SLC22A23: variants seen among roughly 807,000 people sequenced by gnomAD.
The protein encoded by SLC22A23 is solute carrier family 22 member 23, also known as ion transporter protein.
A neutral mutation model predicts 61.0 loss-of-function variants in SLC22A23; 26 were observed. The observed-to-expected ratio is 0.43, with a 90% CI of 0.31 to 0.59. The LOEUF is 0.59. SLC22A23 is among the 20% of genes least tolerant of loss of function. The pLI, the probability that SLC22A23 is intolerant of heterozygous loss-of-function variation, is 0.11. For missense variants in SLC22A23, 796 were observed against 934.7 expected, an observed-to-expected ratio of 0.85 and a Z score of 1.94; for synonymous variants, 430 against 413.9, an observed-to-expected ratio of 1.04 and a Z score of -0.47.
chr6:3,441,751 C>T (rs1254390215), intron 1 of SLC22A23, among the ~76,000 whole-genome samples: 1 of 152,206 alleles, frequency 6.6e-6, no homozygotes, highest in Non-Finnish European at 1.5e-5. Flanking sequence ...TCATCCTGTG[C>T]CGCATGCCAG....
intron 5 of SLC22A23, 114 bp from the exon 6 acceptor site, chr6:3,289,980 G>A (rs562612017): frequency 1.9e-6 from 1 of 537,202 alleles, no homozygotes; most frequent in Non-Finnish European, 3.3e-6. Flanking sequence ...GGAGAGAGAA[G>A]CTTTTTTTTT....
intron 3 of SLC22A23, among the ~76,000 whole-genome samples, chr6:3,385,241 G>A (rs1055334888): frequency 2.6e-5 from 4 of 152,132 alleles, no homozygotes; most frequent in Non-Finnish European, 4.4e-5. Context: ...GGCTGGGCAC[G>A]GTGGCTCATG....
intron 4 of SLC22A23, among the ~76,000 whole-genome samples, chr6:3,301,982 C>T (rs1581651755): frequency 6.6e-6 from 1 of 152,130 alleles, no homozygotes; most frequent in South Asian, 2.1e-4. Flanking sequence ...CCTTCTGTTT[C>T]GTTTTTTTGG....
chr6:3,423,502 G>A (rs1190094557), intron 1 of SLC22A23, among the ~76,000 whole-genome samples: 1 of 152,126 alleles, frequency 6.6e-6, no homozygotes, highest in Admixed American at 6.5e-5. Context: ...TCCAAATTCT[G>A]CACTGTGTAT....
chr6:3,402,427 A>ACACTAC (rs1561954617), intron 3 of SLC22A23, among the ~76,000 whole-genome samples: 8 of 151,054 alleles, frequency 5.3e-5, no homozygotes, highest in South Asian at 2.1e-4. Flanking sequence ...GACCCCAATC[A>ACACTAC]CCAACACTAC....
chr6:3,343,792 G>A (rs1227602052), intron 3 of SLC22A23, among the ~76,000 whole-genome samples: 1 of 152,116 alleles, frequency 6.6e-6, no homozygotes, highest in Non-Finnish European at 1.5e-5. Context: ...CATTGGTGCC[G>A]AACAGAGAGC....
chr6:3,315,708 C>T (rs1762597334), intron 4 of SLC22A23, among the ~76,000 whole-genome samples: 1 of 151,988 alleles, frequency 6.6e-6, no homozygotes, highest in African/African-American at 2.4e-5. Flanking sequence ...CCTAAAAATA[C>T]AAAAAATTAG....
At position 3,342,627 on chromosome 6, in the gene SLC22A23, G is replaced by A. The variant is rs1207764791; in HGVS notation, c.914-18625C>T. ...AAGCCAGTAGATGGGGGGTCCAGGA[G>A]ATTCAAACCTTGAGGAGCTTTTGCC... On this transcript the variant is annotated intron_variant, in intron 3 of 9. Coordinates refer to ENST00000406686, the MANE Select transcript of SLC22A23 (RefSeq NM_015482.2). This position sits in a 1 kb window ranked among gnomAD's most constrained non-coding sequence, Gnocchi z 4.0. Among the ~76,000 whole-genome samples, 1 of 152,166 alleles carries A rather than the reference G, an allele frequency of 6.6e-6. No homozygotes were observed. The highest frequency in any genetic ancestry group is 1.5e-5 in the Non-Finnish European group (1 of 68,030).
Position 3,324,427 on chromosome 6 carries a change from G to A in SLC22A23, c.914-425C>T, listed in dbSNP as rs1263612932. Among the ~76,000 whole-genome samples the A allele has an allele frequency of 1.3e-5, 2 of 152,000 alleles. No homozygotes were observed. The highest frequency in any genetic ancestry group is 2.1e-4 in the South Asian group (1 of 4,800). On this transcript the variant is annotated intron_variant, in intron 3 of 9. Transcript: ENST00000406686. This position sits in a 1 kb window ranked among gnomAD's most constrained non-coding sequence, Gnocchi z 4.3. ...ATGATGCTGTATTAGGGGCCATCTC[G>A]ACCTCTAGACAGGACACCAGGCATG...
chr6:3,444,727 TG>T (rs953462478), intron 1 of SLC22A23: 4 of 907,420 alleles, frequency 4.4e-6, no homozygotes, highest in Admixed American at 6.2e-5. Flanking sequence ...GTTTTCAGGT[TG>T]GAACTTAGAC....
chr6:3,399,682 A>C (rs1768249433), intron 3 of SLC22A23, among the ~76,000 whole-genome samples: 1 of 152,192 alleles, frequency 6.6e-6, no homozygotes, highest in African/African-American at 2.4e-5. Context: ...CAGATAAGAT[A>C]AATCTTGAAA....
At chr6:3,295,618 G>C (rs1052028956) in intron 5 of SLC22A23, among the ~76,000 whole-genome samples, 2 of 152,210 alleles carry the variant, frequency 1.3e-5, no homozygotes, top group African/African-American at 2.4e-5. Context: ...GCAGGTGTTG[G>C]CTGTGGGATT....
In SLC22A23 at chr6:3,456,620, C is replaced by T. The variant is rs1318219461; in HGVS notation, c.-61G>A. 1 of 957,204 alleles carries T rather than the reference C, an allele frequency of 1.0e-6. No homozygotes were observed. The highest frequency in any genetic ancestry group is 4.8e-5 in the South Asian group (1 of 20,878). The allele number at this position is 957,204 out of a possible 1,614,324, so 59.3% of individuals were successfully genotyped here. A position where few individuals can be genotyped will look rare whatever the true frequency, so the allele number is the denominator to read the frequency against. On this transcript the variant is annotated 5_prime_UTR_variant, in exon 1 of 10. Transcript: ENST00000406686. This position sits in a 1 kb window ranked among gnomAD's most constrained non-coding sequence, Gnocchi z 7.1. ...GCGCGGCGGAGGCTCCGCGGGCGCC[C>T]CGGGCACAGCGCGCCGGGCCAGGCG...
chr6:3,426,377 C>T (rs934519799), intron 1 of SLC22A23, among the ~76,000 whole-genome samples: 1 of 152,164 alleles, frequency 6.6e-6, no homozygotes, highest in African/African-American at 2.4e-5. Flanking sequence ...ACGCATGACT[C>T]TCCCAACAAA....
chr6:3,400,613 T>A (rs909118835), intron 3 of SLC22A23, among the ~76,000 whole-genome samples: 2 of 152,230 alleles, frequency 1.3e-5, no homozygotes, highest in Non-Finnish European at 2.9e-5. Flanking sequence ...TGACTTTGAG[T>A]AGTCAGCTAC....
rs1390218723 is a variant in SLC22A23 at position 3,347,393 on chromosome 6, GA to G, written c.914-23392del. On this transcript the variant is annotated intron_variant, in intron 3 of 9. Coordinates refer to ENST00000406686, the MANE Select transcript of SLC22A23 (RefSeq NM_015482.2). ...TCTGGTGAGTGTTGGCGGCTGACCTGAGCAACCAACCCCCAACATTGGAGCA... is the reference window on the plus strand; with the variant it reads ...TCTGGTGAGTGTTGGCGGCTGACCTGGCAACCAACCCCCAACATTGGAGCA... Among the ~76,000 whole-genome samples the G allele has an allele frequency of 2.0e-5, 3 of 152,116 alleles. No individual in the cohort carries two copies. In the East Asian group the frequency reaches 5.8e-4, roughly 29 times the overall value.
chr6:3,315,764 T>C (rs900077908), intron 4 of SLC22A23, among the ~76,000 whole-genome samples: 18 of 151,854 alleles, frequency 1.2e-4, no homozygotes, highest in African/African-American at 3.9e-4. Context: ...CTTAGGAGGC[T>C]GAGGCAGGAG....
At chr6:3,283,447 G>A (rs1354644931) in intron 9 of SLC22A23, 3 of 270,798 alleles carry the variant, frequency 1.1e-5, no homozygotes, top group Middle Eastern at 2.7e-3. Context: ...AGGGCCGGGG[G>A]GTAGGCTCTT....
chr6:3,303,773 T>C (rs958162423), intron 4 of SLC22A23, among the ~76,000 whole-genome samples: 8 of 152,256 alleles, frequency 5.3e-5, no homozygotes, highest in Non-Finnish European at 1.2e-4. Flanking sequence ...GAATATGTTC[T>C]AGTGTTCTGG....
Sources: gnomAD v4.1 joint callset for allele counts (sites outside exome capture counted in the v4.1 genomes callset) on GRCh38, gnomAD v4.1.1 for gene constraint, Gnocchi (gnomAD v3.1) non-coding constraint, MANE v1.5 for transcripts, NCBI Gene and HGNC (gene_info 2026-07-23, HGNC 2026-07-21) for gene names.